The following EPHA3 variants were observed in gnomAD, a reference collection of about 807,000 sequenced individuals.
The protein encoded by EPHA3 is ephrin type-A receptor 3.
Under a neutral mutation model 107.1 loss-of-function variants are expected in EPHA3, and 42 were observed. That is an observed-to-expected ratio of 0.39 (90% CI 0.31 to 0.51). EPHA3 has a LOEUF of 0.51. Ranked by LOEUF, EPHA3 falls within the 20% of genes least tolerant of loss-of-function variation. EPHA3 has a pLI of 0.78. For missense variants in EPHA3, 1,183 were observed against 1,211.2 expected (o/e 0.98, Z 0.35); for synonymous variants, 461 against 424.8 (o/e 1.09, Z -1.05).
At chr3:89,145,284 C>CAT (rs1704517114) in intron 2 of EPHA3, among the ~76,000 whole-genome samples, 2 of 151,262 alleles carry the variant, frequency 1.3e-5, no homozygotes, top group Admixed American at 1.3e-4. Flanking sequence ...CAAACAGACA[C>CAT]ACACACACAC....
intron 5 of EPHA3, among the ~76,000 whole-genome samples, chr3:89,363,233 T>C (rs1576337214): frequency 6.7e-6 from 1 of 150,354 alleles, no homozygotes; most frequent in East Asian, 2.0e-4. Flanking sequence ...AATACACCAA[T>C]AGACTGTGTG....
chr3:89,119,558 G>C (rs1290066333), intron 1 of EPHA3, among the ~76,000 whole-genome samples: 1 of 152,110 alleles, frequency 6.6e-6, no homozygotes, highest in Non-Finnish European at 1.5e-5. Context: ...TCGTGTGTGT[G>C]TGCCTGTGTT....
In EPHA3 at chr3:89,479,674, C is replaced by G. The variant is rs1710587690; in HGVS notation, c.*172C>G. 2 of 540,492 alleles carry G rather than the reference C, an allele frequency of 3.7e-6. No homozygotes were observed. Among genetic ancestry groups the G allele is most frequent in the African/African-American group, 3.8e-5 (2 of 52,666 alleles). The allele number at this position is 540,492 out of a possible 1,614,324, so 33.5% of individuals were successfully genotyped here. ...GAATTGAAAAACTCTTTATTTTCCCCTATCATTTATTGGATGGGTGGGTGG... is the reference window on the plus strand; with the variant it reads ...GAATTGAAAAACTCTTTATTTTCCCGTATCATTTATTGGATGGGTGGGTGG... On this transcript the variant is annotated 3_prime_UTR_variant, in exon 17 of 17. Coordinates refer to ENST00000336596, the MANE Select transcript of EPHA3 (RefSeq NM_005233.6).
At chr3:89,129,052 A>G (rs1704147313) in intron 2 of EPHA3, among the ~76,000 whole-genome samples, 1 of 152,120 alleles carries the variant, frequency 6.6e-6, no homozygotes, top group South Asian at 2.1e-4. Context: ...AGACTACCAG[A>G]CCCTGCTCCA....
At chr3:89,218,793 C>G (rs1704280165) in intron 3 of EPHA3, among the ~76,000 whole-genome samples, 1 of 152,122 alleles carries the variant, frequency 6.6e-6, no homozygotes, top group African/African-American at 2.4e-5. Flanking sequence ...CCATCTCTCA[C>G]CAGTTAGAAT....
chr3:89,244,436 T>C (rs1704983283), intron 3 of EPHA3, among the ~76,000 whole-genome samples: 1 of 152,132 alleles, frequency 6.6e-6, no homozygotes. Flanking sequence ...ACATCCAACA[T>C]ATTTAAATTT....
chr3:89,311,360 T>C (rs2107361564), intron 3 of EPHA3, among the ~76,000 whole-genome samples: 1 of 152,184 alleles, frequency 6.6e-6, no homozygotes, highest in Admixed American at 6.6e-5. Flanking sequence ...ATTTCTTTGT[T>C]CTTGCTTTTG....
chr3:89,402,881 T>C (rs1708993126), intron 7 of EPHA3, among the ~76,000 whole-genome samples: 1 of 152,152 alleles, frequency 6.6e-6, no homozygotes, highest in South Asian at 2.1e-4. Flanking sequence ...TTTCACCATG[T>C]TGGCCAGGCT....
chr3:89,146,738 A>G (rs1200112239), intron 2 of EPHA3, among the ~76,000 whole-genome samples: 1 of 151,852 alleles, frequency 6.6e-6, no homozygotes, highest in Non-Finnish European at 1.5e-5. Context: ...CCTGAATGGT[A>G]TTGCCTAGGT....
intron 13 of EPHA3, among the ~76,000 whole-genome samples, chr3:89,442,355 T>A (rs905429948): frequency 1.3e-5 from 2 of 152,122 alleles, no homozygotes; most frequent in African/African-American, 4.8e-5. Context: ...ACTTAGTCAA[T>A]ATAAAATCCC....
intron 2 of EPHA3, among the ~76,000 whole-genome samples, chr3:89,203,404 T>C (rs1349935594): frequency 6.6e-6 from 1 of 151,654 alleles, no homozygotes; most frequent in African/African-American, 2.4e-5. Context: ...GAGACATTTG[T>C]CCAAAGGTGC....
At chr3:89,189,326 G>A (rs1269392369) in intron 2 of EPHA3, among the ~76,000 whole-genome samples, 1 of 152,158 alleles carries the variant, frequency 6.6e-6, no homozygotes, top group Admixed American at 6.5e-5. Context: ...TGGGCACGGT[G>A]GCTCACGTCT....
intron 13 of EPHA3, among the ~76,000 whole-genome samples, chr3:89,448,656 GA>G (rs1343703001): frequency 6.6e-6 from 1 of 152,160 alleles, no homozygotes; most frequent in East Asian, 1.9e-4. Context: ...GACTAATGAT[GA>G]AGCACACAGT....
chr3:89,428,012 G>T (rs1709492696), intron 11 of EPHA3, among the ~76,000 whole-genome samples: 1 of 151,832 alleles, frequency 6.6e-6, no homozygotes, highest in Non-Finnish European at 1.5e-5. Flanking sequence ...TGTAACAATT[G>T]TCTAAAGTGC....
intron 2 of EPHA3, among the ~76,000 whole-genome samples, chr3:89,194,992 A>G (rs1410234988): frequency 1.3e-5 from 2 of 152,052 alleles, no homozygotes; most frequent in Admixed American, 1.3e-4. Flanking sequence ...CTGTACACAC[A>G]AGCATTTCAT....
intron 5 of EPHA3, among the ~76,000 whole-genome samples, chr3:89,383,712 G>A (rs1229707113): frequency 2.9e-5 from 4 of 139,884 alleles, no homozygotes; most frequent in East Asian, 2.2e-4. Context: ...GCAGTGGCGC[G>A]ATCTCGGCTC....
chr3:89,226,067 T>C (rs1704494552), intron 3 of EPHA3, among the ~76,000 whole-genome samples: 1 of 152,164 alleles, frequency 6.6e-6, no homozygotes, highest in African/African-American at 2.4e-5. Flanking sequence ...AATTGTTATA[T>C]AATATATTTT....
At chr3:89,152,372 C>T (rs1704707750) in intron 2 of EPHA3, among the ~76,000 whole-genome samples, 1 of 152,006 alleles carries the variant, frequency 6.6e-6, no homozygotes, top group Non-Finnish European at 1.5e-5. Context: ...TCAGAAACTG[C>T]ACAGGCCTTC....
chr3:89,388,658 T>G (rs1234547476), intron 5 of EPHA3, among the ~76,000 whole-genome samples: 3 of 152,190 alleles, frequency 2.0e-5, no homozygotes, highest in Admixed American at 6.5e-5. Flanking sequence ...GGTATGTATG[T>G]TGCAGTCTTG....
Sources: allele counts gnomAD v4.1 joint callset (sites outside exome capture counted in the v4.1 genomes callset), GRCh38; gene constraint gnomAD v4.1.1; transcripts MANE v1.5; gene names NCBI Gene and HGNC (gene_info 2026-07-23, HGNC 2026-07-21).